Variants in KCNMA1 observed in about 807,000 individuals in gnomAD.
KCNMA1 encodes potassium calcium-activated channel subfamily M alpha 1.
KCNMA1 carries 29 observed loss-of-function variants against 140.0 expected under a neutral mutation model. The observed-to-expected ratio is 0.21, with a 90% CI of 0.15 to 0.28. KCNMA1 has a LOEUF of 0.28. Ranked by LOEUF, KCNMA1 falls within the 10% of genes least tolerant of loss-of-function variation. The pLI, the probability that KCNMA1 is intolerant of heterozygous loss-of-function variation, is 1.00. For missense variants in KCNMA1, 880 were observed against 1,602.2 expected (o/e 0.55, Z 7.70); for synonymous variants, 612 against 611.9 (o/e 1.00, Z 0.00).
chr10:76,918,742 T>C (rs1373022481), intron 23 of KCNMA1, among the ~76,000 whole-genome samples: 1 of 152,130 alleles, frequency 6.6e-6, no homozygotes, highest in African/African-American at 2.4e-5. Context: ...CCACTGGTTA[T>C]CTACCCAGAG....
intron 27 of KCNMA1, among the ~76,000 whole-genome samples, chr10:76,888,863 G>A (rs955122203): frequency 2.0e-5 from 3 of 151,994 alleles, no homozygotes; most frequent in Non-Finnish European, 4.4e-5. Flanking sequence ...TCAGGAGTTC[G>A]AGACCAGCCT....
In KCNMA1 at chr10:77,082,007, CT is replaced by C. The variant is rs201288668; in HGVS notation, c.1524-2458del. 5.2e-4 allele frequency among the ~76,000 whole-genome samples: 17 copies of C among 32,506 alleles called. No homozygotes were observed. In the South Asian group the frequency reaches 0.011, roughly 21 times the overall value. 21.3% of individuals were successfully genotyped at this position (32,506 alleles called of 152,430 possible). A position where few individuals can be genotyped will look rare whatever the true frequency, so the allele number is the denominator to read the frequency against. On this transcript the variant is annotated intron_variant, in intron 12 of 27. Transcript: ENST00000286628. ...GACCAGTAATTTCTTTTTTTCTTTT[CT>C]TTTTTTTTTTTTTTTTTTTTTTTTT...
intron 1 of KCNMA1, among the ~76,000 whole-genome samples, chr10:77,514,212 C>G (rs2049465463): frequency 6.6e-6 from 1 of 152,228 alleles, no homozygotes; most frequent in South Asian, 2.1e-4. Context: ...CAACAGACTC[C>G]TGTGAGCTGC....
Position 77,047,800 on chromosome 10 carries a change from T to G in KCNMA1, c.1750-8163A>C, listed in dbSNP as rs193021068. Among the ~76,000 whole-genome samples, 13 of 152,266 alleles carry G rather than the reference T, an allele frequency of 8.5e-5. No individual in the cohort carries two copies. The East Asian group carries it at 2.5e-3, about 29-fold the overall frequency. On this transcript the variant is annotated intron_variant, in intron 14 of 27. Transcript: ENST00000286628. Reference sequence around the variant, plus strand: ...TAATAAGGATTCTTAAAAATACCACTGAAAATAATTCTTATTTGGGTAAAT... The same window carrying G: ...TAATAAGGATTCTTAAAAATACCACGGAAAATAATTCTTATTTGGGTAAAT...
chr10:77,065,017 A>G (rs1016902428), intron 14 of KCNMA1, among the ~76,000 whole-genome samples: 1 of 152,182 alleles, frequency 6.6e-6, no homozygotes, highest in African/African-American at 2.4e-5. Context: ...TTCTGCACCA[A>G]AATCACACCA....
At chr10:77,192,795 T>TAC (rs1402615314) in intron 3 of KCNMA1, among the ~76,000 whole-genome samples, 2 of 152,206 alleles carry the variant, frequency 1.3e-5, no homozygotes, top group African/African-American at 4.8e-5. Context: ...GTATCTGCTT[T>TAC]ACTGCCTCTT....
chr10:77,294,902 G>C (rs181457732), intron 2 of KCNMA1, among the ~76,000 whole-genome samples: 135 of 150,416 alleles, frequency 9.0e-4, no homozygotes, highest in Middle Eastern at 3.5e-3. Context: ...CTGGACAACA[G>C]AGCAAGACTC....
chr10:77,159,933 T>C (rs1004392128), intron 5 of KCNMA1, among the ~76,000 whole-genome samples: 3 of 152,222 alleles, frequency 2.0e-5, no homozygotes, highest in Admixed American at 6.5e-5. Context: ...AGGGTTCCTT[T>C]TAGTAACTTC....
intron 2 of KCNMA1, among the ~76,000 whole-genome samples, chr10:77,255,963 C>G (rs1344929961): frequency 6.6e-6 from 1 of 151,556 alleles, no homozygotes; most frequent in East Asian, 1.9e-4. Context: ...AAAGAAGGAG[C>G]CTGGTGCAAA....
rs1269570542 is a variant in KCNMA1, at chr10:76,928,282, C to T, written c.2903-13233G>A. ...ACACACACACACACACACACGAACA[C>T]GCGCGCGCACACACACACACACACA... On this transcript the variant is annotated intron_variant, in intron 23 of 27. Transcript: ENST00000286628. Among the ~76,000 whole-genome samples, 4 of 83,772 alleles carry T rather than the reference C, an allele frequency of 4.8e-5. No individual in the cohort carries two copies. The East Asian group carries it at 6.4e-4, about 13-fold the overall frequency. 55.0% of individuals were successfully genotyped at this position (83,772 alleles called of 152,430 possible). A position where few individuals can be genotyped will look rare whatever the true frequency, so the allele number is the denominator to read the frequency against.
intron 3 of KCNMA1, among the ~76,000 whole-genome samples, chr10:77,206,284 T>A (rs1161059973): frequency 1.3e-5 from 2 of 152,254 alleles, no homozygotes; most frequent in African/African-American, 4.8e-5. Context: ...TAACTCACTG[T>A]TAAATCAATA....
At chr10:77,345,108 T>C (rs949159241) in intron 2 of KCNMA1, among the ~76,000 whole-genome samples, 1 of 152,210 alleles carries the variant, frequency 6.6e-6, no homozygotes, top group Non-Finnish European at 1.5e-5. Context: ...AGAGGTTCCA[T>C]GCTTTGTTGG....
intron 11 of KCNMA1, 142 bp downstream of exon 11, chr10:77,086,346 T>C: frequency 1.4e-6 from 1 of 709,578 alleles, no homozygotes; most frequent in Non-Finnish European, 2.6e-6. Flanking sequence ...TCAAGGTTGC[T>C]GGTATGTGAT....
intron 1 of KCNMA1, among the ~76,000 whole-genome samples, chr10:77,417,058 C>T (rs768937631): frequency 6.6e-6 from 1 of 152,174 alleles, no homozygotes; most frequent in South Asian, 2.1e-4. Context: ...GACTGCCACA[C>T]CTCCGTGCTG....
At chr10:77,140,897 TA>T (rs905750833) in intron 5 of KCNMA1, 1 of 152,180 alleles carries the variant, frequency 6.6e-6, no homozygotes, top group African/African-American at 2.4e-5. Context: ...GAAAAGGCTA[TA>T]ATTCCTCAAA....
chr10:76,949,014 A>G (rs886692097), intron 22 of KCNMA1, 128 bp downstream of exon 22: 16 of 847,912 alleles, frequency 1.9e-5, no homozygotes, highest in Admixed American at 1.0e-4. Context: ...GGAAGTGCTG[A>G]GTCCTCAGGC....
At chr10:76,991,412 C>G (rs1320477242) in intron 19 of KCNMA1, among the ~76,000 whole-genome samples, 5 of 152,294 alleles carry the variant, frequency 3.3e-5, no homozygotes, top group Non-Finnish European at 7.4e-5. Context: ...ATTGCACCTG[C>G]CATTTGATCA....
chr10:77,195,178 G>A (rs554841893), intron 3 of KCNMA1, among the ~76,000 whole-genome samples: 2 of 152,236 alleles, frequency 1.3e-5, no homozygotes, highest in South Asian at 2.1e-4. Flanking sequence ...AAATAGCTGT[G>A]TCTTAGCTCC....
At chr10:77,526,957 C>A (rs1035040869) in intron 1 of KCNMA1, among the ~76,000 whole-genome samples, 1 of 152,130 alleles carries the variant, frequency 6.6e-6, no homozygotes, top group Admixed American at 6.5e-5. Context: ...ACAAAAAATA[C>A]CTCTCTTATT....
Sources: gnomAD v4.1 joint callset for allele counts (sites outside exome capture counted in the v4.1 genomes callset) on GRCh38, gnomAD v4.1.1 for gene constraint, MANE v1.5 for transcripts, NCBI Gene and HGNC (gene_info 2026-07-23, HGNC 2026-07-21) for gene names.